Variants in CARMIL1 observed in about 807,000 individuals in gnomAD.
CARMIL1 encodes the protein F-actin-uncapping protein LRRC16A.
A neutral mutation model predicts 177.1 loss-of-function variants in CARMIL1; 90 were observed. The ratio of observed to expected loss-of-function variants is 0.51; its 90% CI spans 0.43 to 0.61. CARMIL1 has a LOEUF of 0.61. Ranked by LOEUF, CARMIL1 falls within the 20% of genes least tolerant of loss-of-function variation. CARMIL1 has a pLI of 0.00. For synonymous variants in CARMIL1, 577 were observed against 606.2 expected, an observed-to-expected ratio of 0.95 and a Z score of 0.71; for missense variants, 1,380 against 1,667.0, an observed-to-expected ratio of 0.83 and a Z score of 3.00.
chr6:25,425,298 A>C (rs7774567), intron 3 of CARMIL1, among the ~76,000 whole-genome samples: 7 of 152,126 alleles, frequency 4.6e-5, no homozygotes, highest in Non-Finnish European at 1.0e-4. Flanking sequence ...AGTATACTTC[A>C]TGTTGTTTAA....
chr6:25,581,959 C>A (rs1396238772), intron 31 of CARMIL1, among the ~76,000 whole-genome samples: 1 of 152,186 alleles, frequency 6.6e-6, no homozygotes, highest in Non-Finnish European at 1.5e-5. Context: ...CTTTCTACTC[C>A]AGTAGAAGAC....
chr6:25,464,701 A>G (rs2150919215), intron 8 of CARMIL1, among the ~76,000 whole-genome samples: 1 of 152,348 alleles, frequency 6.6e-6, no homozygotes, highest in South Asian at 2.1e-4. Flanking sequence ...TGATGCTTAA[A>G]GCAACAAACT....
At chr6:25,462,326 A>G (rs1800199711) in intron 8 of CARMIL1, among the ~76,000 whole-genome samples, 1 of 152,044 alleles carries the variant, frequency 6.6e-6, no homozygotes, top group African/African-American at 2.4e-5. Flanking sequence ...GCTCAGTAAC[A>G]TCCTCTTTCT....
Position 25,541,714 on chromosome 6 carries a change from C to T in CARMIL1, c.2328+1636C>T, listed in dbSNP as rs1392954298. Among the ~76,000 whole-genome samples the T allele has an allele frequency of 4.6e-5, 7 of 152,140 alleles. No homozygotes were observed. In the South Asian group the frequency reaches 1.2e-3, roughly 27 times the overall value. On this transcript the variant is annotated intron_variant, in intron 26 of 36. Transcript: ENST00000329474. ...TGTCACCCAGGCTGGAGTGCAGTGG[C>T]GTGATCTCAGCTCACTGTAACCTCT...
chr6:25,497,379 G>A (rs946462827), intron 16 of CARMIL1, among the ~76,000 whole-genome samples: 1 of 152,156 alleles, frequency 6.6e-6, no homozygotes, highest in African/African-American at 2.4e-5. Context: ...TAAGTAATTT[G>A]CCCCAAATCA....
chr6:25,410,362 A>T (rs1051248386), intron 2 of CARMIL1, among the ~76,000 whole-genome samples: 1 of 151,964 alleles, frequency 6.6e-6, no homozygotes, highest in Non-Finnish European at 1.5e-5. Context: ...TCTTGTTCCA[A>T]CTCTTCCATT....
At position 25,532,089 on chromosome 6, in the gene CARMIL1, C is replaced by CT. The variant is rs111958767; in HGVS notation, c.2067+3208dup. On this transcript the variant is annotated intron_variant, in intron 24 of 36. Transcript: ENST00000329474. ...CCTGGCCCAAGACTTCTTTTCTTTTCTTTTTTTTTTTTCTTTTCCTTTTTT... is the reference window on the plus strand; with the variant it reads ...CCTGGCCCAAGACTTCTTTTCTTTTCTTTTTTTTTTTTTCTTTTCCTTTTTT... 3.5e-3 allele frequency among the ~76,000 whole-genome samples: 495 copies of CT among 140,780 alleles called. 2 individuals are homozygous for CT. The highest frequency in any genetic ancestry group is 5.5e-3 in the Non-Finnish European group (352 of 64,222). The allele number at this position is 140,780 out of a possible 152,430, so 92.4% of individuals were successfully genotyped here. A position where few individuals can be genotyped will look rare whatever the true frequency, so the allele number is the denominator to read the frequency against.
chr6:25,382,767 G>C (rs1791698468), intron 2 of CARMIL1, among the ~76,000 whole-genome samples: 1 of 152,096 alleles, frequency 6.6e-6, no homozygotes, highest in Non-Finnish European at 1.5e-5. Context: ...CCTTTAGCTA[G>C]ACACAGGGCG....
intron 2 of CARMIL1, among the ~76,000 whole-genome samples, chr6:25,331,642 A>C (rs906601797): frequency 1.4e-4 from 22 of 152,198 alleles, no homozygotes; most frequent in African/African-American, 5.3e-4. Context: ...AGGACCCGTG[A>C]GGCATCCGTC....
intron 2 of CARMIL1, among the ~76,000 whole-genome samples, chr6:25,365,470 A>G (rs190377012): frequency 6.6e-6 from 1 of 152,274 alleles, no homozygotes; most frequent in Admixed American, 6.5e-5. Flanking sequence ...ATACATTTCT[A>G]TTTATCGCAG....
At chr6:25,401,716 A>T (rs1040116934) in intron 2 of CARMIL1, among the ~76,000 whole-genome samples, 6 of 152,204 alleles carry the variant, frequency 3.9e-5, no homozygotes, top group African/African-American at 1.2e-4. Context: ...TTGCCCTGTC[A>T]TTTGAATCTG....
chr6:25,551,161 T>C (rs1012739845), intron 27 of CARMIL1, 76 bp downstream of exon 27: 27 of 1,147,450 alleles, frequency 2.4e-5, no homozygotes, highest in Non-Finnish European at 3.0e-5. Context: ...AAGAGGGTTA[T>C]TGTTGGCTGT....
At chr6:25,568,783 G>A (rs1811795619) in intron 29 of CARMIL1, among the ~76,000 whole-genome samples, 1 of 152,158 alleles carries the variant, frequency 6.6e-6, no homozygotes, top group Non-Finnish European at 1.5e-5. Flanking sequence ...TTCCCTCTAG[G>A]TAACTGAATG....
At chr6:25,383,623 C>T (rs771370588) in intron 2 of CARMIL1, 10 of 152,084 alleles carry the variant, frequency 6.6e-5, no homozygotes, top group Non-Finnish European at 8.8e-5. Context: ...AGTACATATA[C>T]TAAAACTAGA....
intron 31 of CARMIL1, among the ~76,000 whole-genome samples, chr6:25,593,054 G>C (rs904512371): frequency 3.9e-5 from 6 of 152,136 alleles, no homozygotes; most frequent in African/African-American, 1.4e-4. Context: ...CTGGACACCT[G>C]CTTCTGGATT....
chr6:25,588,478 C>T (rs891547032), intron 31 of CARMIL1, among the ~76,000 whole-genome samples: 2 of 152,258 alleles, frequency 1.3e-5, no homozygotes, highest in South Asian at 2.1e-4. Context: ...GTTCATACCT[C>T]TGAGGTTTTA....
intron 2 of CARMIL1, among the ~76,000 whole-genome samples, chr6:25,368,770 C>T (rs1790100001): frequency 6.6e-6 from 1 of 152,136 alleles, no homozygotes; most frequent in South Asian, 2.1e-4. Context: ...CATGTCTACA[C>T]TCTTGCTTTA....
intron 32 of CARMIL1, among the ~76,000 whole-genome samples, chr6:25,595,076 A>C (rs1814693611): frequency 6.6e-6 from 1 of 152,200 alleles, no homozygotes; most frequent in South Asian, 2.1e-4. Context: ...GCATTTTCTG[A>C]AGTTTTCTCC....
At position 25,474,786 on chromosome 6, in the gene CARMIL1, G is replaced by A. The variant is rs550194657; in HGVS notation, c.874+2265G>A. Among the ~76,000 whole-genome samples the A allele has an allele frequency of 9.2e-5, 14 of 152,224 alleles. 1 individual carries two copies. The South Asian group carries it at 2.9e-3, about 32-fold the overall frequency. On this transcript the variant is annotated intron_variant, in intron 11 of 36. Coordinates refer to ENST00000329474, the MANE Select transcript of CARMIL1 (RefSeq NM_017640.6). ...TCATGGTGATCACTGTTTATAGGAG[G>A]GCTATTTTTGGTTTTGTTTTTAAAA...
Sources: gnomAD v4.1 joint callset for allele counts (sites outside exome capture counted in the v4.1 genomes callset) on GRCh38, gnomAD v4.1.1 for gene constraint, MANE v1.5 for transcripts, NCBI Gene and HGNC (gene_info 2026-07-23, HGNC 2026-07-21) for gene names.